The following MYO1H variants were observed in gnomAD, a reference collection of about 807,000 sequenced individuals.
MYO1H encodes the protein unconventional myosin-Ih.
Under a neutral mutation model 149.3 loss-of-function variants are expected in MYO1H, and 118 were observed. That is an observed-to-expected ratio of 0.79 (90% CI 0.68 to 0.92). The LOEUF is 0.92. Ranked by LOEUF, MYO1H falls within the 40% of genes least tolerant of loss-of-function variation. The pLI is 0.00. For synonymous variants in MYO1H, 447 were observed against 465.2 expected (o/e 0.96, Z 0.50); for missense variants, 1,212 against 1,280.7 (o/e 0.95, Z 0.82).
chr12:109,388,986 C>A (rs1203995726), intron 2 of MYO1H, 142 bp downstream of exon 2: 11 of 1,112,284 alleles, frequency 9.9e-6, no homozygotes, highest in Non-Finnish European at 1.4e-5. Context: ...AGATGCACTT[C>A]GATCCTTTGT....
At chr12:109,418,411 T>C (rs1871021195) in intron 15 of MYO1H, among the ~76,000 whole-genome samples, 1 of 151,802 alleles carries the variant, frequency 6.6e-6, no homozygotes, top group African/African-American at 2.4e-5. Context: ...TGCAGTGGCG[T>C]GATCTTGGCC....
chr12:109,421,674 C>T (rs148213721), intron 16 of MYO1H, among the ~76,000 whole-genome samples: 114 of 152,116 alleles, frequency 7.5e-4, no homozygotes, highest in African/African-American at 2.6e-3. Context: ...GATCTGAGGA[C>T]GAGGAAGCTG....
At chr12:109,364,979 GC>G in intron 1 of MYO1H, among the ~76,000 whole-genome samples, 1 of 152,132 alleles carries the variant, frequency 6.6e-6, no homozygotes, top group Non-Finnish European at 1.5e-5. Flanking sequence ...GCATCAAAAG[GC>G]AATCTTCAGG....
the MYO1H span, among the ~76,000 whole-genome samples, chr12:109,320,439 A>T: frequency 7.8e-6 from 1 of 128,756 alleles, no homozygotes; most frequent in Non-Finnish European, 1.6e-5. Context: ...ATGAAACCCC[A>T]TCTCTATTAA....
Position 109,405,914 on chromosome 12 carries a change from G to A in MYO1H, c.850-8G>A, listed in dbSNP as rs754438722. 4 of 1,591,638 alleles carry A rather than the reference G, an allele frequency of 2.5e-6. No homozygotes were observed. Among genetic ancestry groups the A allele is most frequent in the Non-Finnish European group, 8.6e-7 (1 of 1,159,782 alleles). On this transcript the variant is annotated splice_region_variant and splice_polypyrimidine_tract_variant and intron_variant, in intron 7 of 31. Coordinates refer to ENST00000310903, the Ensembl canonical transcript of MYO1H. ...TCTCCTGTCTCTGAACACTTCCCAT[G>A]TTCCTAGAATCTCTTTGGAATTATT...
intron 1 of MYO1H, among the ~76,000 whole-genome samples, chr12:109,355,347 C>T (rs893817018): frequency 1.3e-5 from 2 of 152,146 alleles, no homozygotes; most frequent in Non-Finnish European, 2.9e-5. Context: ...GTCATATTCA[C>T]ACCCATGTAA....
At chr12:109,332,313 TG>T in the MYO1H span, among the ~76,000 whole-genome samples, 4 of 152,320 alleles carry the variant, frequency 2.6e-5, no homozygotes, top group East Asian at 7.7e-4. Flanking sequence ...AAACAGGAGA[TG>T]GGAAGATGAC....
exon 3 of MYO1H, chr12:109,393,361 A>C: frequency 6.3e-7 from 1 of 1,584,970 alleles, no homozygotes; most frequent in Non-Finnish European, 8.6e-7. Flanking sequence ...TGTGTCTGTG[A>C]ATCCATACCA....
At chr12:109,405,863 G>A in intron 7 of MYO1H, 59 bp from the exon 8 acceptor site, 2 of 1,229,542 alleles carry the variant, frequency 1.6e-6, no homozygotes, top group Non-Finnish European at 2.4e-6. Flanking sequence ...CAATTAGGCG[G>A]CCACCGTTCT....
At chr12:109,315,026 C>A in the MYO1H span, among the ~76,000 whole-genome samples, 4 of 152,068 alleles carry the variant, frequency 2.6e-5, no homozygotes, top group African/African-American at 9.7e-5. Flanking sequence ...CGCTTGAGCC[C>A]GGAAGGCAGA....
At chr12:109,412,625 T>G (rs193289942) in intron 14 of MYO1H, among the ~76,000 whole-genome samples, 2 of 152,282 alleles carry the variant, frequency 1.3e-5, no homozygotes, top group African/African-American at 4.8e-5. Flanking sequence ...TACTTGTATG[T>G]GCCTGTGTAA....
chr12:109,393,309 G>T, intron 2 of MYO1H, 22 bp from the exon 3 acceptor site: 4 of 1,470,136 alleles, frequency 2.7e-6, no homozygotes, highest in Non-Finnish European at 3.7e-6. Flanking sequence ...TTCCTCACTT[G>T]TGCTTTGGTC....
At chr12:109,421,154 T>G (rs1871159850) in intron 16 of MYO1H, 127 bp downstream of exon 16, 1 of 626,698 alleles carries the variant, frequency 1.6e-6, no homozygotes. Flanking sequence ...CTCCAGCATG[T>G]CATGGCCAGA....
chr12:109,322,177 C>G, the MYO1H span, among the ~76,000 whole-genome samples: 1 of 152,070 alleles, frequency 6.6e-6, no homozygotes, highest in Non-Finnish European at 1.5e-5. Context: ...TTGGATCTGT[C>G]TTCTTTATAA....
intron 1 of MYO1H, among the ~76,000 whole-genome samples, chr12:109,365,434 G>A (rs191380041): frequency 8.5e-5 from 13 of 152,278 alleles, no homozygotes; most frequent in South Asian, 8.3e-4. Flanking sequence ...TAGATCAAGC[G>A]TCTATTTAGC....
Position 109,408,015 on chromosome 12 carries a change from C to A in MYO1H, c.1155+102C>A, listed in dbSNP as rs1870478321. On this transcript the variant is annotated intron_variant, in intron 10 of 31. Coordinates refer to ENST00000310903, the Ensembl canonical transcript of MYO1H. ...TGGGAGGGAGAATGAACTGTGGGCGCCTCATGGGCAGAGATGGTGTCTTTC... is the reference window on the plus strand; with the variant it reads ...TGGGAGGGAGAATGAACTGTGGGCGACTCATGGGCAGAGATGGTGTCTTTC... 2.7e-6 allele frequency: 4 copies of A among 1,454,606 alleles called. No homozygotes were observed. In the Admixed American group the frequency reaches 7.1e-5, roughly 26 times the overall value. The allele number at this position is 1,454,606 out of a possible 1,614,324, so 90.1% of individuals were successfully genotyped here. A position where few individuals can be genotyped will look rare whatever the true frequency, so the allele number is the denominator to read the frequency against.
chr12:109,325,880 C>T, the MYO1H span, among the ~76,000 whole-genome samples: 3 of 152,182 alleles, frequency 2.0e-5, no homozygotes, highest in Non-Finnish European at 2.9e-5. Context: ...TACCATCTCA[C>T]GCCAGTCAGA....
the MYO1H span, among the ~76,000 whole-genome samples, chr12:109,320,455 C>CAAAAAAAAAAAAA: frequency 1.6e-5 from 1 of 63,318 alleles, no homozygotes; most frequent in South Asian, 8.1e-4. Context: ...ATTAAAAATA[C>CAAAAAAAAAAAAA]AAAAAAAAAA....
intron 29 of MYO1H, 46 bp downstream of exon 29, chr12:109,444,329 C>G (rs768951347): frequency 6.3e-7 from 1 of 1,586,244 alleles, no homozygotes; most frequent in South Asian, 1.1e-5. Context: ...AAACAATACA[C>G]TGCCAAAATG....
Sources: gnomAD v4.1 joint callset for allele counts (sites outside exome capture counted in the v4.1 genomes callset) on GRCh38, gnomAD v4.1.1 for gene constraint, MANE v1.5 for transcripts, NCBI Gene and HGNC (gene_info 2026-07-23, HGNC 2026-07-21) for gene names.